The following PIK3C3 variants were observed in gnomAD, a reference collection of about 807,000 sequenced individuals.
PIK3C3 encodes PI3-kinase type 3.
A neutral mutation model predicts 126.1 loss-of-function variants in PIK3C3; 95 were observed. The ratio of observed to expected loss-of-function variants is 0.75; its 90% confidence interval spans 0.64 to 0.89. PIK3C3 has a LOEUF of 0.89. Ranked by LOEUF, PIK3C3 falls within the 40% of genes least tolerant of loss-of-function variation. PIK3C3 has a pLI of 0.00. For synonymous variants in PIK3C3, 374 were observed against 360.0 expected, an observed-to-expected ratio of 1.04 and a Z score of -0.44; for missense variants, 829 against 1,063.2, an observed-to-expected ratio of 0.78 and a Z score of 3.06.
At chr18:42,022,203 A>G (rs1038035579) in intron 13 of PIK3C3, among the ~76,000 whole-genome samples, 1 of 152,022 alleles carries the variant, frequency 6.6e-6, no homozygotes, top group Non-Finnish European at 1.5e-5. Flanking sequence ...GGTTTGTTAC[A>G]TATGTATACA....
chr18:42,039,454 C>CA (rs1286054623), intron 18 of PIK3C3, among the ~76,000 whole-genome samples: 1 of 152,108 alleles, frequency 6.6e-6, no homozygotes, highest in Non-Finnish European at 1.5e-5. Flanking sequence ...GACAAAGACC[C>CA]AAAAAACCTT....
At chr18:42,021,466 A>G (rs1394911797) in intron 13 of PIK3C3, among the ~76,000 whole-genome samples, 1 of 152,206 alleles carries the variant, frequency 6.6e-6, no homozygotes, top group East Asian at 1.9e-4. Context: ...CTGGGATTAA[A>G]CACTAGATAA....
intron 10 of PIK3C3, among the ~76,000 whole-genome samples, chr18:42,008,308 A>G (rs1982646081): frequency 6.6e-6 from 1 of 152,172 alleles, no homozygotes; most frequent in South Asian, 2.1e-4. Flanking sequence ...TTTGAGTTGA[A>G]GGAAATGTAG....
intron 11 of PIK3C3, among the ~76,000 whole-genome samples, chr18:42,014,399 C>T (rs566876425): frequency 1.3e-5 from 2 of 152,046 alleles, no homozygotes; most frequent in East Asian, 3.9e-4. Context: ...TAGGAGTTCC[C>T]AAATGTATAT....
intron 2 of PIK3C3, among the ~76,000 whole-genome samples, chr18:41,958,490 T>C (rs1262214020): frequency 6.6e-6 from 1 of 152,152 alleles, no homozygotes; most frequent in African/African-American, 2.4e-5. Context: ...AGCCAGACTG[T>C]GCCATAGAGG....
chr18:41,980,163 C>T (rs1981126953), intron 4 of PIK3C3, among the ~76,000 whole-genome samples: 1 of 152,082 alleles, frequency 6.6e-6, no homozygotes, highest in African/African-American at 2.4e-5. Flanking sequence ...CACTTAAGTT[C>T]CTAAAATTGC....
At chr18:42,031,676 CAA>C (rs1283535084) in intron 15 of PIK3C3, among the ~76,000 whole-genome samples, 7 of 152,144 alleles carry the variant, frequency 4.6e-5, no homozygotes, top group Non-Finnish European at 1.0e-4. Flanking sequence ...CTCGGCCTTC[CAA>C]AGTGCTGGGA....
chr18:42,042,795 C>T (rs908599255), intron 19 of PIK3C3, among the ~76,000 whole-genome samples: 2 of 152,172 alleles, frequency 1.3e-5, no homozygotes, highest in African/African-American at 4.8e-5. Flanking sequence ...AAAACAGTAA[C>T]ACTTCTTGTG....
chr18:41,987,776 T>A, intron 4 of PIK3C3, 36 bp from the exon 5 acceptor site: 1 of 1,393,138 alleles, frequency 7.2e-7, no homozygotes, highest in South Asian at 1.2e-5. Flanking sequence ...CTACTAGATG[T>A]ATATTAAAAT....
intron 24 of PIK3C3, among the ~76,000 whole-genome samples, chr18:42,078,984 A>T (rs184910617): frequency 1.3e-5 from 2 of 152,226 alleles, no homozygotes; most frequent in Non-Finnish European, 2.9e-5. Flanking sequence ...AACTTCCTCC[A>T]TATCAGCAAT....
In PIK3C3 at chr18:42,063,071, C is replaced by T. The variant is rs145597476; in HGVS notation, c.2433-1669C>T. Among the ~76,000 whole-genome samples the T allele has an allele frequency of 4.8e-3, 738 of 152,200 alleles. 4 individuals are homozygous for T. The highest frequency in any genetic ancestry group is 8.9e-3 in the Non-Finnish European group (602 of 68,004). ...TGGCCAGTGTGAACTGTTAAAAATG[C>T]CTATCAACGTGTGTTACTCCACTCC... is the stretch of plus-strand genomic sequence containing the variant. On this transcript the variant is annotated intron_variant, in intron 22 of 24. Transcript: ENST00000262039.
chr18:42,029,260 C>T, intron 14 of PIK3C3, 65 bp from the exon 15 acceptor site: 1 of 896,276 alleles, frequency 1.1e-6, no homozygotes, highest in South Asian at 1.3e-5. Context: ...ATTATCCATG[C>T]TGTTAAAGAA....
At chr18:42,017,131 C>A (rs187935900) in intron 12 of PIK3C3, among the ~76,000 whole-genome samples, 2 of 151,956 alleles carry the variant, frequency 1.3e-5, no homozygotes, top group East Asian at 3.9e-4. Context: ...TCTATCTTCC[C>A]CTATCCCTTC....
intron 21 of PIK3C3, chr18:42,051,191 A>G (rs1984786586): frequency 2.0e-5 from 3 of 152,268 alleles, no homozygotes; most frequent in South Asian, 2.1e-4. Context: ...TGCAAGTTCC[A>G]TGAGAGCAGG....
chr18:42,023,412 A>AC (rs928546323), intron 13 of PIK3C3, among the ~76,000 whole-genome samples: 1 of 152,194 alleles, frequency 6.6e-6, no homozygotes, highest in Admixed American at 6.5e-5. Flanking sequence ...TAAGGAGCAC[A>AC]CTTTTTTTTC....
intron 24 of PIK3C3, among the ~76,000 whole-genome samples, chr18:42,074,605 A>G (rs1259067213): frequency 6.6e-6 from 1 of 152,174 alleles, no homozygotes; most frequent in East Asian, 1.9e-4. Context: ...CTGCAAAACA[A>G]ACTATTGCAG....
chr18:42,039,399 T>C lies in PIK3C3; in HGVS notation c.2038+549T>C, dbSNP rs77825395. 3.1e-3 allele frequency among the ~76,000 whole-genome samples: 468 copies of C among 152,362 alleles called. 4 individuals are homozygous for C. Among genetic ancestry groups the C allele is most frequent in the African/African-American group, 9.2e-3 (382 of 41,588 alleles). On this transcript the variant is annotated intron_variant, in intron 18 of 24. Coordinates refer to ENST00000262039, the MANE Select transcript of PIK3C3 (RefSeq NM_002647.4). Reference sequence around the variant, plus strand: ...TTTAAAAAGTGCAAATGTGCATCTTTACAATCCTGCAAAAAGTCATTTGTT... The same window carrying C: ...TTTAAAAAGTGCAAATGTGCATCTTCACAATCCTGCAAAAAGTCATTTGTT...
At chr18:42,063,680 TATC>T (rs901950324) in intron 22 of PIK3C3, among the ~76,000 whole-genome samples, 4 of 152,152 alleles carry the variant, frequency 2.6e-5, no homozygotes, top group South Asian at 2.1e-4. Context: ...AAAGTTCCAT[TATC>T]ATTACAGTTT....
rs558368459 is a variant in PIK3C3 at position 41,991,571 on chromosome 18, T to G, written c.714+1017T>G. ...TTAGAAGCAGTCCTTTTAAATTAAATTTACATTTTATTGTTGTTTATTAAA... is the reference window on the plus strand; with the variant it reads ...TTAGAAGCAGTCCTTTTAAATTAAAGTTACATTTTATTGTTGTTTATTAAA... On this transcript the variant is annotated intron_variant, in intron 6 of 24. Transcript: ENST00000262039. Among the ~76,000 whole-genome samples, 9 of 152,304 alleles carry G rather than the reference T, an allele frequency of 5.9e-5. No individual in the cohort carries two copies. The South Asian group carries it at 6.2e-4, about 11-fold the overall frequency.
Sources: gnomAD v4.1 joint callset for allele counts (sites outside exome capture counted in the v4.1 genomes callset) on GRCh38, gnomAD v4.1.1 for gene constraint, MANE v1.5 for transcripts, NCBI Gene and HGNC (gene_info 2026-07-23, HGNC 2026-07-21) for gene names.